Variants in INPP4B observed in about 807,000 individuals in gnomAD.
INPP4B encodes the protein inositol polyphosphate 4-phosphatase type II.
A neutral mutation model predicts 122.5 loss-of-function variants in INPP4B; 55 were observed. That is an observed-to-expected ratio of 0.45 (90% confidence interval 0.36 to 0.56). The LOEUF (loss-of-function observed/expected upper bound fraction) is 0.56, where lower values mean the gene tolerates loss of function less well. Ranked by LOEUF, INPP4B falls within the 20% of genes least tolerant of loss-of-function variation. INPP4B has a pLI of 0.00. For missense variants in INPP4B, 1,000 were observed against 1,097.7 expected (o/e 0.91, Z 1.26); for synonymous variants, 403 against 388.7 (o/e 1.04, Z -0.43).
intron 8 of INPP4B, chr4:142,305,849 T>A (rs1357073146): frequency 6.3e-6 from 7 of 1,109,718 alleles, no homozygotes; most frequent in Non-Finnish European, 7.8e-6. Flanking sequence ...TGAAGGAAAA[T>A]AAAAGATGAT....
At chr4:142,736,844 G>A (rs935046681) in intron 1 of INPP4B, among the ~76,000 whole-genome samples, 2 of 152,112 alleles carry the variant, frequency 1.3e-5, no homozygotes, top group African/African-American at 4.8e-5. Context: ...TGTTGAATAG[G>A]ACTGGTGAGA....
chr4:142,561,410 TTTTGTTTG>T (rs3078625), intron 2 of INPP4B, among the ~76,000 whole-genome samples: 10 of 151,452 alleles, frequency 6.6e-5, no homozygotes, highest in Admixed American at 2.0e-4. Context: ...TTCTTTGTTT[TTTTGTTTG>T]TTTGTTTGTT....
chr4:142,790,313 C>T (rs1249391696), intron 1 of INPP4B, among the ~76,000 whole-genome samples: 2 of 152,038 alleles, frequency 1.3e-5, no homozygotes, highest in African/African-American at 4.8e-5. Context: ...ACAATCTATA[C>T]ATCTGACAAA....
chr4:142,193,535 G>A (rs1341674023), intron 14 of INPP4B, among the ~76,000 whole-genome samples: 2 of 151,752 alleles, frequency 1.3e-5, no homozygotes, highest in Admixed American at 1.3e-4. Context: ...ATTGAGTTTT[G>A]CATCATTTAA....
At chr4:142,665,856 C>A (rs1333545553) in intron 2 of INPP4B, among the ~76,000 whole-genome samples, 1 of 152,080 alleles carries the variant, frequency 6.6e-6, no homozygotes, top group African/African-American at 2.4e-5. Context: ...TGTTCTAAGA[C>A]CCCCAGTGGA....
intron 2 of INPP4B, among the ~76,000 whole-genome samples, chr4:142,632,127 G>A (rs747164342): frequency 9.2e-5 from 14 of 152,060 alleles, no homozygotes; most frequent in Non-Finnish European, 1.6e-4. Flanking sequence ...CTTACACTAA[G>A]GACAGTAAAT....
intron 23 of INPP4B, among the ~76,000 whole-genome samples, chr4:142,096,539 T>C (rs557196860): frequency 2.5e-4 from 38 of 152,270 alleles, no homozygotes; most frequent in Admixed American, 5.2e-4. Flanking sequence ...TCTATGTAGT[T>C]TAACATGCAT....
chr4:142,526,683 GTT>G (rs1826957335), intron 2 of INPP4B, among the ~76,000 whole-genome samples: 1 of 151,992 alleles, frequency 6.6e-6, no homozygotes, highest in Admixed American at 6.6e-5. Flanking sequence ...ATCTTCAGAG[GTT>G]TGAAACATGT....
At chr4:142,776,128 C>T (rs75206333) in intron 1 of INPP4B, among the ~76,000 whole-genome samples, 12,328 of 152,158 alleles carry the variant, frequency 0.081, 588 homozygotes, top group Middle Eastern at 0.13. Flanking sequence ...TGGAGACTTG[C>T]ATTAATTCAA....
intron 2 of INPP4B, among the ~76,000 whole-genome samples, chr4:142,515,824 T>A (rs1306162435): frequency 6.6e-6 from 1 of 152,234 alleles, no homozygotes; most frequent in African/African-American, 2.4e-5. Context: ...ATTCTACTTT[T>A]TAATATTATT....
At chr4:142,546,277 T>C (rs1829637416) in intron 2 of INPP4B, among the ~76,000 whole-genome samples, 1 of 152,212 alleles carries the variant, frequency 6.6e-6, no homozygotes, top group African/African-American at 2.4e-5. Context: ...TCATTGTTTT[T>C]TATGGCTGCA....
Position 142,209,043 on chromosome 4 carries a change from A to G in INPP4B, c.837-17T>C, listed in dbSNP as rs1028109523. On this transcript the variant is annotated splice_polypyrimidine_tract_variant and intron_variant, in intron 12 of 25. Coordinates refer to ENST00000262992, the MANE Select transcript of INPP4B (RefSeq NM_001101669.3). ...TCCTGGTTTCTGTTAAGAGTGGAAG[A>G]GAAGAGAAACTTTATTTTTATCTTA... is the stretch of plus-strand genomic sequence containing the variant. 7.6e-6 allele frequency: 12 copies of G among 1,574,776 alleles called. No individual in the cohort carries two copies. Among genetic ancestry groups the G allele is most frequent in the Non-Finnish European group, 1.0e-5 (12 of 1,155,550 alleles).
At chr4:142,296,349 T>C (rs1579638416) in intron 9 of INPP4B, among the ~76,000 whole-genome samples, 1 of 152,284 alleles carries the variant, frequency 6.6e-6, no homozygotes, top group South Asian at 2.1e-4. Context: ...ACAGTCTAGT[T>C]GAATGAAGTG....
intron 7 of INPP4B, among the ~76,000 whole-genome samples, chr4:142,318,155 C>A (rs1216544801): frequency 6.6e-6 from 1 of 151,980 alleles, no homozygotes; most frequent in East Asian, 1.9e-4. Flanking sequence ...TGTATTTCAT[C>A]CTTTTCAGCA....
intron 1 of INPP4B, among the ~76,000 whole-genome samples, chr4:142,814,946 G>A (rs778717858): frequency 6.6e-6 from 1 of 152,138 alleles, no homozygotes; most frequent in Non-Finnish European, 1.5e-5. Context: ...AGAGAGTAAC[G>A]ATGGGGTGCT....
chr4:142,451,530 C>A (rs545931890), intron 3 of INPP4B, among the ~76,000 whole-genome samples: 1 of 152,098 alleles, frequency 6.6e-6, no homozygotes, highest in Non-Finnish European at 1.5e-5. Flanking sequence ...AGGTTGCAGG[C>A]GTGAGCCACC....
At chr4:142,333,370 G>C (rs1343087817) in intron 7 of INPP4B, among the ~76,000 whole-genome samples, 1 of 152,202 alleles carries the variant, frequency 6.6e-6, no homozygotes, top group African/African-American at 2.4e-5. Context: ...ATTAAAGTCA[G>C]AGAAGCCTGA....
chr4:142,595,919 G>A lies in INPP4B; in HGVS notation c.-191+129920C>T, dbSNP rs1204524307. Among the ~76,000 whole-genome samples, 3 of 151,822 alleles carry A rather than the reference G, an allele frequency of 2.0e-5. No individual in the cohort carries two copies. The East Asian group carries it at 5.8e-4, about 29-fold the overall frequency. On this transcript the variant is annotated intron_variant, in intron 2 of 25. Coordinates refer to ENST00000262992, the MANE Select transcript of INPP4B (RefSeq NM_001101669.3). The stretch of plus-strand genomic sequence containing the variant: ...GTGTGGAGTGCAGTGGCACCATCTT[G>A]GCTCACTGCAACTCCACCTCCTGGG...
chr4:142,129,282 C>T (rs187924118), intron 18 of INPP4B, among the ~76,000 whole-genome samples: 2 of 152,088 alleles, frequency 1.3e-5, no homozygotes, highest in Admixed American at 6.5e-5. Flanking sequence ...AAATGGTGAC[C>T]GGTTCATGGT....
Sources: allele counts gnomAD v4.1 joint callset (sites outside exome capture counted in the v4.1 genomes callset), GRCh38; gene constraint gnomAD v4.1.1; transcripts MANE v1.5; gene names NCBI Gene and HGNC (gene_info 2026-07-23, HGNC 2026-07-21).